SPAG16: variants seen among roughly 807,000 people sequenced by gnomAD.
SPAG16 encodes sperm associated antigen 16.
In SPAG16, 86 loss-of-function variants were observed where a neutral mutation model predicts 80.4. The observed-to-expected ratio is 1.07, with a 90% CI of 0.90 to 1.28. SPAG16 has a LOEUF of 1.28. Ranked by LOEUF, SPAG16 falls within the 50% of genes most tolerant of loss-of-function variation. The pLI is 0.00. For missense variants in SPAG16, 870 were observed against 765.3 expected, an observed-to-expected ratio of 1.14 and a Z score of -1.61; for synonymous variants, 294 against 265.9, an observed-to-expected ratio of 1.11 and a Z score of -1.03.
chr2:213,997,650 G>A (rs190463863), intron 12 of SPAG16, among the ~76,000 whole-genome samples: 1 of 152,280 alleles, frequency 6.6e-6, no homozygotes, highest in Admixed American at 6.5e-5. Flanking sequence ...TAAAGAAGAG[G>A]TGTCCAATCT....
chr2:213,413,382 G>T (rs1486576099), intron 9 of SPAG16, among the ~76,000 whole-genome samples: 1 of 151,988 alleles, frequency 6.6e-6, no homozygotes, highest in Non-Finnish European at 1.5e-5. Context: ...TTCCTACAAA[G>T]GTCATAGTTT....
intron 9 of SPAG16, among the ~76,000 whole-genome samples, chr2:213,487,917 C>T (rs1390963881): frequency 6.6e-6 from 1 of 151,688 alleles, no homozygotes; most frequent in East Asian, 1.9e-4. Flanking sequence ...AGGCAATCAG[C>T]ATAAATATGC....
intron 13 of SPAG16, among the ~76,000 whole-genome samples, chr2:214,038,208 T>C (rs1354127959): frequency 6.6e-6 from 1 of 152,228 alleles, no homozygotes; most frequent in Non-Finnish European, 1.5e-5. Context: ...AAGACTGTAC[T>C]TTTGTTCTAG....
chr2:213,842,440 T>C (rs1180329928), intron 10 of SPAG16, among the ~76,000 whole-genome samples: 1 of 152,106 alleles, frequency 6.6e-6, no homozygotes, highest in African/African-American at 2.4e-5. Context: ...TATATACATA[T>C]ATACAATTCA....
intron 10 of SPAG16, among the ~76,000 whole-genome samples, chr2:213,770,771 A>T (rs766861437): frequency 5.3e-5 from 8 of 152,070 alleles, no homozygotes; most frequent in Admixed American, 5.2e-4. Context: ...AGCTCCATCC[A>T]TGTCCCTGCA....
At chr2:213,286,040 G>A in intron 1 of SPAG16, 1 of 598,098 alleles carries the variant, frequency 1.7e-6, no homozygotes, top group Non-Finnish European at 2.7e-6. Context: ...TGAAATAAAT[G>A]GTAGGAGTCT....
chr2:213,396,507 G>T, intron 9 of SPAG16: 1 of 239,776 alleles, frequency 4.2e-6, no homozygotes, highest in Non-Finnish European at 8.8e-6. Flanking sequence ...TGGCTTTGAG[G>T]CCTCCTTCAA....
intron 10 of SPAG16, among the ~76,000 whole-genome samples, chr2:213,630,406 C>T (rs1574562375): frequency 1.3e-5 from 2 of 151,622 alleles, no homozygotes; most frequent in East Asian, 3.9e-4. Context: ...AAAGATGTTT[C>T]TGTCTTCACA....
In SPAG16 at chr2:213,479,719, A is replaced by G. The variant is rs535509784; in HGVS notation, c.943-10244A>G. Reference sequence around the variant, plus strand: ...GGTCCTCTACAGCCATCACCACCACACTTGTCTTCCCAGTGCTGAGCCTTA... The same window carrying G: ...GGTCCTCTACAGCCATCACCACCACGCTTGTCTTCCCAGTGCTGAGCCTTA... On this transcript the variant is annotated intron_variant, in intron 9 of 15. Transcript: ENST00000331683. Among the ~76,000 whole-genome samples, 139 of 152,218 alleles carry G rather than the reference A, an allele frequency of 9.1e-4. 1 individual carries two copies. In the South Asian group the frequency reaches 0.017, roughly 18 times the overall value.
At chr2:213,713,964 TAAC>T (rs1410845888) in intron 10 of SPAG16, among the ~76,000 whole-genome samples, 1 of 152,124 alleles carries the variant, frequency 6.6e-6, no homozygotes, top group Non-Finnish European at 1.5e-5. Context: ...AGAACAATGA[TAAC>T]AAACTATCAA....
intron 10 of SPAG16, among the ~76,000 whole-genome samples, chr2:213,521,874 T>C (rs1470038324): frequency 2.0e-5 from 3 of 152,232 alleles, no homozygotes; most frequent in Admixed American, 6.5e-5. Flanking sequence ...AATTATTGTT[T>C]ATGCTTTTCT....
chr2:214,007,812 T>G (rs1419647686), intron 12 of SPAG16, among the ~76,000 whole-genome samples: 1 of 152,214 alleles, frequency 6.6e-6, no homozygotes. Flanking sequence ...TTCTTTCTGT[T>G]GTTAAGCATG....
At chr2:213,946,073 GT>G (rs2079445391) in intron 12 of SPAG16, among the ~76,000 whole-genome samples, 1 of 152,266 alleles carries the variant, frequency 6.6e-6, no homozygotes, top group African/African-American at 2.4e-5. Context: ...TAGGAGAAAA[GT>G]TGACCTGACT....
chr2:213,961,338 C>T (rs2044407619), intron 12 of SPAG16, among the ~76,000 whole-genome samples: 1 of 152,138 alleles, frequency 6.6e-6, no homozygotes, highest in Admixed American at 6.5e-5. Flanking sequence ...ATCATGGAAT[C>T]TGCAAATAGA....
At chr2:213,698,413 T>C (rs1281557913) in intron 10 of SPAG16, among the ~76,000 whole-genome samples, 1 of 152,056 alleles carries the variant, frequency 6.6e-6, no homozygotes, top group Middle Eastern at 3.2e-3. Context: ...AGGTGCATGC[T>C]ACCACACTTG....
chr2:213,589,406 T>C (rs2060599108), intron 10 of SPAG16, among the ~76,000 whole-genome samples: 1 of 152,256 alleles, frequency 6.6e-6, no homozygotes, highest in South Asian at 2.1e-4. Context: ...TCAAATCAAT[T>C]AGAATATTTC....
At chr2:213,580,590 T>G (rs2124849009) in intron 10 of SPAG16, among the ~76,000 whole-genome samples, 1 of 152,266 alleles carries the variant, frequency 6.6e-6, no homozygotes, top group East Asian at 1.9e-4. Context: ...CCAACAACAA[T>G]GGATACAGTG....
chr2:214,287,940 C>G (rs894183720), intron 15 of SPAG16, among the ~76,000 whole-genome samples: 1 of 152,132 alleles, frequency 6.6e-6, no homozygotes, highest in Non-Finnish European at 1.5e-5. Flanking sequence ...AGTCCTCTCT[C>G]CTAGCTACTT....
chr2:213,447,534 C>T (rs981082328), intron 9 of SPAG16, among the ~76,000 whole-genome samples: 1 of 152,202 alleles, frequency 6.6e-6, no homozygotes, highest in Non-Finnish European at 1.5e-5. Context: ...GATAATTCTT[C>T]TCAATCCAGG....
Sources: allele counts gnomAD v4.1 joint callset (sites outside exome capture counted in the v4.1 genomes callset), GRCh38; gene constraint gnomAD v4.1.1; transcripts MANE v1.5; gene names NCBI Gene and HGNC (gene_info 2026-07-23, HGNC 2026-07-21).